CENPF: variants seen among roughly 807,000 people sequenced by gnomAD.
The protein encoded by CENPF is AH antigen.
In CENPF, 214 loss-of-function variants were observed where a neutral mutation model predicts 307.3. That is an observed-to-expected ratio of 0.70 (90% CI 0.62 to 0.78). The LOEUF (loss-of-function observed/expected upper bound fraction) is 0.78. Among genes scored for constraint, CENPF ranks in the 30% least tolerant of loss-of-function variants. The pLI, the probability that CENPF is intolerant of heterozygous loss-of-function variation, is 0.00. For synonymous variants in CENPF, 1,259 were observed against 1,270.6 expected, an observed-to-expected ratio of 0.99 and a Z score of 0.19; for missense variants, 3,401 against 3,483.9, an observed-to-expected ratio of 0.98 and a Z score of 0.60.
chr1:214,659,023 C>A lies in CENPF; in HGVS notation c.9136C>A (p.Gln3046Lys), dbSNP rs138255905. The change falls in exon 19 of 20, where the codon CAA (glutamine) becomes AAA (lysine). Residue 3046 changes from glutamine to lysine, a missense_variant. Transcript: ENST00000366955. The surrounding 1 kb of genome is among the most constrained non-coding windows in gnomAD (Gnocchi z 4.4). Reference protein sequence around the residue: ...SKPTAGGSRSQKVKVAQRSPV... With the variant: ...SKPTAGGSRSKKVKVAQRSPV... ...ACCAACAGCTGGTGGCAGCAGATCA[C>A]AAAAGGTAAACTACTGTCAACATCC... 1 of 1,613,976 alleles carries A rather than the reference C, an allele frequency of 6.2e-7. No homozygotes were observed. The highest frequency in any genetic ancestry group is 1.3e-5 in the African/African-American group (1 of 75,022).
In CENPF at chr1:214,645,634, G is replaced by C. The variant is rs1164272287; in HGVS notation, c.6064G>C (p.Asp2022His). The change falls in exon 13 of 20, where the codon GAT becomes CAT. Residue 2022 changes from aspartate (D) to histidine (H), a missense_variant. Physicochemically the swap from Asp to His is moderately conservative, Grantham distance 81 (BLOSUM62 -1). Transcript: ENST00000366955. ...KTELLQTLSS[D>H]VSELLKDKTH... ...GGAACTCCTTCAGACTTTGTCCTCT[G>C]ATGTGAGTGAGCTGTTAAAAGACAA... 1 of 1,614,180 alleles carries C rather than the reference G, an allele frequency of 6.2e-7. No individual in the cohort carries two copies. The highest frequency in any genetic ancestry group is 8.5e-7 in the Non-Finnish European group (1 of 1,180,030).
At position 214,608,246 on chromosome 1, in the gene CENPF, C is replaced by T. The variant is rs1472446930; in HGVS notation, c.-42+4925C>T. The T allele has an allele frequency of 6.8e-6, 10 of 1,473,386 alleles. No individual in the cohort carries two copies. In the East Asian group the frequency reaches 2.0e-4, roughly 29 times the overall value. The allele number at this position is 1,473,386 out of a possible 1,614,324, so 91.3% of individuals were successfully genotyped here. On this transcript the variant is annotated intron_variant, in intron 1 of 19. Transcript: ENST00000366955. ...CCACCTTCCTCCCAGGGAAGCCCGC[C>T]CCCCGGCCCCCGGCCTGGTCCCCTC... is the stretch of plus-strand genomic sequence containing the variant.
intron 11 of CENPF, among the ~76,000 whole-genome samples, chr1:214,639,065 C>T (rs941606127): frequency 6.6e-6 from 1 of 152,204 alleles, no homozygotes; most frequent in Non-Finnish European, 1.5e-5. Context: ...GAAGTTCGTA[C>T]TGCTTTCCAC....
intron 14 of CENPF, among the ~76,000 whole-genome samples, chr1:214,651,234 G>T (rs2102573454): frequency 6.6e-6 from 1 of 152,308 alleles, no homozygotes; most frequent in South Asian, 2.1e-4. Context: ...TCACAGTGAA[G>T]GGATGGGGCA....
intron 15 of CENPF, 115 bp from the exon 16 acceptor site, chr1:214,652,713 G>C (rs1658520408): frequency 1.2e-6 from 1 of 860,668 alleles, no homozygotes; most frequent in Non-Finnish European, 1.7e-6. Context: ...AAAGTGCTGG[G>C]ATTACAGGTG....
chr1:214,632,645 C>G (rs376811513), intron 10 of CENPF, 43 bp downstream of exon 10: 5 of 1,605,652 alleles, frequency 3.1e-6, no homozygotes, highest in Non-Finnish European at 4.3e-6. Flanking sequence ...TATGTAAGAA[C>G]CAAGTGCAAG....
At chr1:214,651,266 A>G (rs1658453528) in intron 14 of CENPF, among the ~76,000 whole-genome samples, 2 of 152,220 alleles carry the variant, frequency 1.3e-5, no homozygotes, top group African/African-American at 2.4e-5. Flanking sequence ...GGCATTTGGA[A>G]GGAAATTCTT....
In CENPF at chr1:214,644,973, A is replaced by G; in HGVS notation, c.5403A>G (p.Leu1801=). Residue 1801 remains leucine, a synonymous_variant, in exon 13 of 20, where the codon CTA becomes CTG. Transcript: ENST00000366955. ...EDRDRKVESL[L]NEMKELDSKL... is the part of the protein sequence containing the mutation. ...GTGACAGAAAAGTTGAAAGTTTGCTAAATGAAATGAAAGAATTAGACTCAA... is the reference window on the plus strand; with the variant it reads ...GTGACAGAAAAGTTGAAAGTTTGCTGAATGAAATGAAAGAATTAGACTCAA... The G allele has an allele frequency of 6.2e-7, 1 of 1,612,876 alleles. No homozygotes were observed. The highest frequency in any genetic ancestry group is 1.1e-5 in the South Asian group (1 of 90,846).
At chr1:214,621,042 T>C (rs959849783) in intron 6 of CENPF, 96 bp downstream of exon 6, 3 of 1,179,428 alleles carry the variant, frequency 2.5e-6, no homozygotes, top group Admixed American at 4.6e-5. Context: ...GCTTATGTGT[T>C]TTGTTAGGCA....
intron 3 of CENPF, among the ~76,000 whole-genome samples, chr1:214,616,733 A>G (rs1657346844): frequency 1.3e-5 from 2 of 152,132 alleles, no homozygotes; most frequent in Admixed American, 1.3e-4. Flanking sequence ...TTTTTAGCTC[A>G]TACATTGCCT....
chr1:214,661,551 G>A (rs1658787002), intron 19 of CENPF, among the ~76,000 whole-genome samples: 1 of 152,136 alleles, frequency 6.6e-6, no homozygotes, highest in Non-Finnish European at 1.5e-5. Flanking sequence ...AAGTTCAAAG[G>A]GGAAAAAACT....
chr1:214,605,615 G>T, intron 1 of CENPF: 1 of 1,410,808 alleles, frequency 7.1e-7, no homozygotes, highest in Non-Finnish European at 9.6e-7. Context: ...CTGGGGGGCC[G>T]GCGCGGGGTG....
chr1:214,605,438 T>G, intron 1 of CENPF: 3 of 506,840 alleles, frequency 5.9e-6, no homozygotes, highest in East Asian at 3.5e-5. Flanking sequence ...AAGAATCCGC[T>G]TTGTTTTTTT....
At chr1:214,654,441 C>T (rs76275165) in intron 16 of CENPF, 10,747 of 152,252 alleles carry the variant, frequency 0.071, 1,241 homozygotes, top group African/African-American at 0.24. Context: ...TGTGATGGCA[C>T]GTACCTATAG....
Position 214,614,847 on chromosome 1 carries a change from A to C in CENPF, c.178A>C (p.Thr60Pro). Residue 60 changes from threonine to proline, a missense_variant, in exon 3 of 20, where the codon ACC becomes CCC. Physicochemically the swap from Thr to Pro is conservative, Grantham distance 38. Transcript: ENST00000366955. ...TTCTCATTAGGTTGAAAATGAAAAA[A>C]CCGAGGGTACAAACCTGAAAAGGGA... ...KQKQKVENEK[T>P]EGTNLKRENQ... 1 of 1,578,214 alleles carries C rather than the reference A, an allele frequency of 6.3e-7. No homozygotes were observed. The highest frequency in any genetic ancestry group is 8.6e-7 in the Non-Finnish European group (1 of 1,166,602).
At chr1:214,651,142 A>G (rs1267461728) in intron 14 of CENPF, among the ~76,000 whole-genome samples, 3 of 152,174 alleles carry the variant, frequency 2.0e-5, no homozygotes, top group Non-Finnish European at 4.4e-5. Flanking sequence ...CACCACACAT[A>G]CAGAAACACA....
chr1:214,649,060 G>T (rs1255778417), intron 14 of CENPF, among the ~76,000 whole-genome samples: 1 of 152,158 alleles, frequency 6.6e-6, no homozygotes, highest in Non-Finnish European at 1.5e-5. Context: ...ATCTGTCTCA[G>T]AGCCCAAATA....
rs746873907 is a variant in CENPF at position 214,619,233 on chromosome 1, T to C, written c.573+13T>C. On this transcript the variant is annotated intron_variant, in intron 5 of 19. Transcript: ENST00000366955. ...CTTGCAGGCTAAAGTAAGTTAATTATGGGCCCTATAATAGAGTATGCAGTT... is the reference window on the plus strand; with the variant it reads ...CTTGCAGGCTAAAGTAAGTTAATTACGGGCCCTATAATAGAGTATGCAGTT... The C allele has an allele frequency of 7.7e-7, 1 of 1,300,844 alleles. No homozygotes were observed. Among genetic ancestry groups the C allele is most frequent in the South Asian group, 1.2e-5 (1 of 81,712 alleles). 80.6% of individuals were successfully genotyped at this position (1,300,844 alleles called of 1,614,324 possible). A position where few individuals can be genotyped will look rare whatever the true frequency, so the allele number is the denominator to read the frequency against.
Position 214,620,651 on chromosome 1 carries a change from A to G in CENPF, c.574-4A>G, listed in dbSNP as rs1021049016. ...AGGCCTCTAAAGAGATTCTGTTTCT[A>G]CAGAAAGCAAGCCAGACTCTTCCAC... On this transcript the variant is annotated splice_region_variant and splice_polypyrimidine_tract_variant and intron_variant, in intron 5 of 19. Coordinates refer to ENST00000366955, the MANE Select transcript of CENPF (RefSeq NM_016343.4). The G allele has an allele frequency of 1.2e-6, 2 of 1,605,014 alleles. No homozygotes were observed. Among genetic ancestry groups the G allele is most frequent in the Non-Finnish European group, 1.7e-6 (2 of 1,177,122 alleles).
Sources: allele counts gnomAD v4.1 joint callset (sites outside exome capture counted in the v4.1 genomes callset), GRCh38; gene constraint gnomAD v4.1.1; non-coding constraint Gnocchi (gnomAD v3.1); transcripts MANE v1.5; gene names NCBI Gene and HGNC (gene_info 2026-07-23, HGNC 2026-07-21).